Variants in CSMD1 observed in about 807,000 individuals in gnomAD.
CSMD1 encodes CUB and Sushi multiple domains 1.
Under a neutral mutation model 417.5 loss-of-function variants are expected in CSMD1, and 213 were observed. That is an observed-to-expected ratio of 0.51 (90% CI 0.46 to 0.57). CSMD1 has a LOEUF of 0.57. Ranked by LOEUF, CSMD1 falls within the 20% of genes least tolerant of loss-of-function variation. The pLI is 0.00. For missense variants in CSMD1, 6,923 were observed against 4,529.7 expected (o/e 1.53, Z -15.17); for synonymous variants, 2,862 against 1,736.8 (o/e 1.65, Z -16.11).
chr8:4,459,596 T>A (rs191669426), intron 2 of CSMD1, among the ~76,000 whole-genome samples: 2 of 152,214 alleles, frequency 1.3e-5, no homozygotes, highest in East Asian at 3.9e-4. Context: ...TCTAAGATAA[T>A]AAGAGACAGA....
intron 7 of CSMD1, among the ~76,000 whole-genome samples, chr8:3,652,182 C>CGG (rs1797891826): frequency 2.0e-5 from 3 of 147,996 alleles, no homozygotes; most frequent in African/African-American, 7.5e-5. Context: ...ACCATCAGAA[C>CGG]ACCTACCACC....
At chr8:4,739,830 G>A (rs1304182426) in intron 1 of CSMD1, among the ~76,000 whole-genome samples, 1 of 152,044 alleles carries the variant, frequency 6.6e-6, no homozygotes, top group Non-Finnish European at 1.5e-5. Flanking sequence ...ATCTTTCCAT[G>A]TCTGGCCCCC....
chr8:3,189,019 A>G lies in CSMD1; in HGVS notation c.5399-8T>C. 6.2e-7 allele frequency: 1 copy of G among 1,608,858 alleles called. No homozygotes were observed. Among genetic ancestry groups the G allele is most frequent in the Non-Finnish European group, 8.5e-7 (1 of 1,177,124 alleles). On this transcript the variant is annotated splice_region_variant and splice_polypyrimidine_tract_variant and intron_variant, in intron 34 of 69. Transcript: ENST00000635120. ...AATTGCCACTGCAGGGTACTAAAAG[A>G]CACAACCATATGTCATGAAATAAAG...
chr8:3,475,760 G>A (rs551430460), intron 11 of CSMD1, among the ~76,000 whole-genome samples: 1 of 152,204 alleles, frequency 6.6e-6, no homozygotes. Context: ...ATGTGAAGCG[G>A]TTAACCCAAA....
chr8:3,978,610 A>C (rs545768661), intron 5 of CSMD1, among the ~76,000 whole-genome samples: 12 of 152,212 alleles, frequency 7.9e-5, no homozygotes, highest in South Asian at 6.2e-4. Flanking sequence ...GGGGTAAATA[A>C]TTGGAAGGAA....
Position 3,636,516 on chromosome 8 carries a change from A to C in CSMD1, c.1010-19719T>G, listed in dbSNP as rs148328729. Among the ~76,000 whole-genome samples the C allele has an allele frequency of 2.9e-4, 44 of 152,324 alleles. 1 individual carries two copies. The highest frequency in any genetic ancestry group is 1.1e-3 in the African/African-American group (44 of 41,582). ...CTTTAGGAGTCTATCTAAGCCAGTC[A>C]AACCCCTTTTACTTAACCTACCATC... On this transcript the variant is annotated intron_variant, in intron 7 of 69. Transcript: ENST00000635120.
chr8:4,948,314 T>A (rs959410789), intron 1 of CSMD1, among the ~76,000 whole-genome samples: 1 of 152,102 alleles, frequency 6.6e-6, no homozygotes, highest in African/African-American at 2.4e-5. Context: ...TGTTATTTTG[T>A]TTTCCTTTTT....
In CSMD1 at chr8:4,212,553, C is replaced by G. The variant is rs534009184; in HGVS notation, c.416-180454G>C. Among the ~76,000 whole-genome samples the G allele has an allele frequency of 2.7e-5, 4 of 150,836 alleles. 1 individual carries two copies. The South Asian group carries it at 6.3e-4, about 24-fold the overall frequency. ...TTTGAAATTTGTAGCCTTTTTTTTT[C>G]TAAAATAAAGAATAGTTGATCAAGG... On this transcript the variant is annotated intron_variant, in intron 3 of 69. Transcript: ENST00000635120.
At chr8:4,899,641 G>A (rs150557344) in intron 1 of CSMD1, among the ~76,000 whole-genome samples, 1 of 152,126 alleles carries the variant, frequency 6.6e-6, no homozygotes, top group Admixed American at 6.5e-5. Context: ...TTTGTCTGTA[G>A]TTTTGCAAAA....
chr8:3,822,860 T>A (rs1801816176), intron 5 of CSMD1, among the ~76,000 whole-genome samples: 1 of 152,192 alleles, frequency 6.6e-6, no homozygotes, highest in African/African-American at 2.4e-5. Context: ...GCATGTGGTA[T>A]TTAGAATTTA....
intron 2 of CSMD1, among the ~76,000 whole-genome samples, chr8:4,443,964 C>A (rs1002239443): frequency 6.6e-6 from 1 of 151,982 alleles, no homozygotes; most frequent in Non-Finnish European, 1.5e-5. Flanking sequence ...ATATAATTAC[C>A]TGTGATATGA....
At chr8:3,485,983 C>A (rs988804674) in intron 11 of CSMD1, among the ~76,000 whole-genome samples, 1 of 151,962 alleles carries the variant, frequency 6.6e-6, no homozygotes, top group East Asian at 1.9e-4. Flanking sequence ...GTTCAATGAG[C>A]GATTAGGCAG....
chr8:4,548,407 AT>A (rs1162124870), intron 2 of CSMD1, among the ~76,000 whole-genome samples: 1 of 152,160 alleles, frequency 6.6e-6, no homozygotes, highest in Non-Finnish European at 1.5e-5. Context: ...CGCATAGTCT[AT>A]TTCTTTGTTA....
chr8:3,414,642 G>C (rs1813015875), intron 12 of CSMD1, among the ~76,000 whole-genome samples: 1 of 152,132 alleles, frequency 6.6e-6, no homozygotes, highest in South Asian at 2.1e-4. Context: ...TCTTAGTCCA[G>C]ATCCTATCCA....
chr8:4,708,053 A>G lies in CSMD1; in HGVS notation c.86-70495T>C, dbSNP rs1232749291. On this transcript the variant is annotated intron_variant, in intron 1 of 69. Coordinates refer to ENST00000635120, the MANE Select transcript of CSMD1 (RefSeq NM_033225.6). Reference sequence around the variant, plus strand: ...CAAACTCCTTGGCTCAAGTGATCCTACTACCTCAGCCTCTGCAGTAGCTGG... The same window carrying G: ...CAAACTCCTTGGCTCAAGTGATCCTGCTACCTCAGCCTCTGCAGTAGCTGG... Among the ~76,000 whole-genome samples the G allele has an allele frequency of 4.6e-5, 7 of 152,224 alleles. No homozygotes were observed. In the East Asian group the frequency reaches 1.4e-3, roughly 29 times the overall value.
intron 6 of CSMD1, among the ~76,000 whole-genome samples, chr8:3,726,860 C>G (rs181761790): frequency 8.0e-4 from 122 of 152,246 alleles, no homozygotes; most frequent in African/African-American, 2.8e-3. Flanking sequence ...TCTCCCTGCC[C>G]AAAGATAGAT....
intron 3 of CSMD1, among the ~76,000 whole-genome samples, chr8:4,034,830 G>T (rs1012667302): frequency 1.3e-5 from 2 of 152,024 alleles, no homozygotes; most frequent in Non-Finnish European, 2.9e-5. Context: ...TCCAACAGAA[G>T]GTGTCCAGAT....
At chr8:4,870,121 CAGTT>C (rs1432997163) in intron 1 of CSMD1, among the ~76,000 whole-genome samples, 1 of 152,150 alleles carries the variant, frequency 6.6e-6, no homozygotes, top group African/African-American at 2.4e-5. Flanking sequence ...TATTTATATT[CAGTT>C]AATCTAATTA....
chr8:4,030,113 T>C (rs911998779), intron 4 of CSMD1, among the ~76,000 whole-genome samples: 8 of 152,234 alleles, frequency 5.3e-5, no homozygotes, highest in African/African-American at 1.7e-4. Flanking sequence ...GTTAACTGTC[T>C]GCAGCTTTTC....
Sources: allele counts gnomAD v4.1 joint callset (sites outside exome capture counted in the v4.1 genomes callset), GRCh38; gene constraint gnomAD v4.1.1; transcripts MANE v1.5; gene names NCBI Gene and HGNC (gene_info 2026-07-23, HGNC 2026-07-21).